The following ACOXL variants were observed in gnomAD, a reference collection of about 807,000 sequenced individuals.
The protein encoded by ACOXL is acyl-coenzyme A oxidase-like protein.
ACOXL carries 70 observed loss-of-function variants against 71.9 expected under a neutral mutation model. The ratio of observed to expected loss-of-function variants is 0.97; its 90% CI spans 0.80 to 1.19. The LOEUF (loss-of-function observed/expected upper bound fraction) is 1.19. Among genes scored for constraint, ACOXL ranks in the 50% most tolerant of loss-of-function variants. The pLI is 0.00. For missense variants in ACOXL, 703 were observed against 736.3 expected, an observed-to-expected ratio of 0.95 and a Z score of 0.52; for synonymous variants, 253 against 281.6, an observed-to-expected ratio of 0.90 and a Z score of 1.02.
chr2:111,025,567 ATCT>A lies in ACOXL; in HGVS notation c.1282-6054_1282-6052del, dbSNP rs2149724048. ...TGTGGTCTTAATCTGCGTTTCTCAG[ATCT>A]TCTTCATGTGTTTATTTGCTATTCA... On this transcript the variant is annotated intron_variant, in intron 14 of 17. Coordinates refer to ENST00000439055, the MANE Select transcript of ACOXL (RefSeq NM_001142807.4). Among the ~76,000 whole-genome samples, 2 of 152,060 alleles carry A rather than the reference ATCT, an allele frequency of 1.3e-5. 1 individual carries two copies. Among genetic ancestry groups the A allele is most frequent in the South Asian group, 4.1e-4 (2 of 4,826 alleles).
chr2:110,787,545 A>G (rs1425556652), intron 3 of ACOXL, among the ~76,000 whole-genome samples: 1 of 151,776 alleles, frequency 6.6e-6, no homozygotes, highest in Non-Finnish European at 1.5e-5. Context: ...AAAAAAAAAA[A>G]AAAAAAAGAA....
chr2:110,966,246 C>T (rs75826129), intron 12 of ACOXL, among the ~76,000 whole-genome samples: 2,423 of 152,192 alleles, frequency 0.016, 59 homozygotes, highest in African/African-American at 0.054. Context: ...CAGCAAGGCC[C>T]GGTGGCGAAT....
At chr2:110,882,047 C>T (rs1696715291) in intron 10 of ACOXL, among the ~76,000 whole-genome samples, 1 of 152,140 alleles carries the variant, frequency 6.6e-6, no homozygotes, top group South Asian at 2.1e-4. Flanking sequence ...TGAGAAACCA[C>T]AACAGTTTTA....
Position 111,042,243 on chromosome 2 carries a change from A to G in ACOXL, c.1370-6975A>G, listed in dbSNP as rs569476072. Among the ~76,000 whole-genome samples the G allele has an allele frequency of 2.6e-5, 4 of 152,352 alleles. No homozygotes were observed. In the South Asian group the frequency reaches 8.3e-4, roughly 32 times the overall value. On this transcript the variant is annotated intron_variant, in intron 15 of 17. Coordinates refer to ENST00000439055, the MANE Select transcript of ACOXL (RefSeq NM_001142807.4). Reference sequence around the variant, plus strand: ...TCTTAGTCTTAGTATAGACTCACTTAGTTTATTTGCTTAGAAGGTTTTCAG... The same window carrying G: ...TCTTAGTCTTAGTATAGACTCACTTGGTTTATTTGCTTAGAAGGTTTTCAG...
intron 1 of ACOXL, among the ~76,000 whole-genome samples, chr2:110,756,388 C>T (rs185844044): frequency 2.8e-4 from 42 of 152,328 alleles, no homozygotes; most frequent in Admixed American, 9.8e-4. Context: ...ATTGGCCTCC[C>T]AAAGTGTTGG....
rs114034425 is a variant in ACOXL, at chr2:111,032,339, G to A, written c.1369+625G>A. Among the ~76,000 whole-genome samples the A allele has an allele frequency of 6.0e-3, 907 of 152,294 alleles. 10 individuals carry two copies. Among genetic ancestry groups the A allele is most frequent in the African/African-American group, 0.021 (858 of 41,566 alleles). Reference sequence around the variant, plus strand: ...TACTGCTAACATGCTACAGGGCACAGACCGCTCCCCTGCAACCAAGAATTA... The same window carrying A: ...TACTGCTAACATGCTACAGGGCACAAACCGCTCCCCTGCAACCAAGAATTA... On this transcript the variant is annotated intron_variant, in intron 15 of 17. Coordinates refer to ENST00000439055, the MANE Select transcript of ACOXL (RefSeq NM_001142807.4).
chr2:111,012,963 A>T (rs917817978), intron 14 of ACOXL, among the ~76,000 whole-genome samples: 10 of 152,226 alleles, frequency 6.6e-5, no homozygotes, highest in Non-Finnish European at 1.3e-4. Flanking sequence ...AATGAAATAG[A>T]AAACAAACTA....
At position 110,938,852 on chromosome 2, in the gene ACOXL, A is replaced by T. The variant is rs558855494; in HGVS notation, c.1059+5210A>T. Among the ~76,000 whole-genome samples the T allele has an allele frequency of 4.4e-3, 667 of 149,946 alleles. 4 individuals carry two copies. Among genetic ancestry groups the T allele is most frequent in the Middle Eastern group, 0.014 (4 of 292 alleles). ...TTACCCTGAACACTTTTTTTTTTTT[A>T]AAAAAACATGATTTTATTGTTACTT... On this transcript the variant is annotated intron_variant, in intron 12 of 17. Transcript: ENST00000439055.
chr2:110,898,445 C>G (rs1409882587), intron 10 of ACOXL, among the ~76,000 whole-genome samples: 1 of 152,046 alleles, frequency 6.6e-6, no homozygotes, highest in Admixed American at 6.6e-5. Flanking sequence ...TATTTAAAAA[C>G]CAGTCAATTT....
intron 1 of ACOXL, among the ~76,000 whole-genome samples, chr2:110,750,529 C>T (rs374743512): frequency 6.6e-6 from 1 of 150,696 alleles, no homozygotes; most frequent in Non-Finnish European, 1.5e-5. Flanking sequence ...AATGGCCCTA[C>T]CATAATTCCA....
intron 17 of ACOXL, among the ~76,000 whole-genome samples, chr2:111,109,907 G>A (rs549543942): frequency 5.3e-5 from 8 of 151,996 alleles, no homozygotes; most frequent in Middle Eastern, 3.4e-3. Context: ...TCGAACTCCC[G>A]GCTTCAAGCA....
At chr2:110,879,054 T>TA (rs201244854) in intron 10 of ACOXL, among the ~76,000 whole-genome samples, 40,249 of 136,710 alleles carry the variant, frequency 0.29, 6,100 homozygotes, top group Non-Finnish European at 0.35. Context: ...GAGGCTCCGT[T>TA]AAAAAAAAAA....
chr2:110,773,074 G>C (rs1433102874), intron 2 of ACOXL, among the ~76,000 whole-genome samples: 2 of 152,222 alleles, frequency 1.3e-5, no homozygotes, highest in Non-Finnish European at 2.9e-5. Flanking sequence ...CATAAAGGTT[G>C]AGAGTCACTG....
chr2:110,878,161 G>A (rs904203245), intron 10 of ACOXL, among the ~76,000 whole-genome samples: 3 of 152,168 alleles, frequency 2.0e-5, no homozygotes, highest in South Asian at 4.1e-4. Context: ...TTTCAGTTTG[G>A]ATTTTCAAGA....
chr2:111,036,576 G>C (rs114455520), intron 15 of ACOXL, among the ~76,000 whole-genome samples: 2 of 152,126 alleles, frequency 1.3e-5, no homozygotes. Context: ...TCAGTCACAC[G>C]GCCAAATCCT....
chr2:110,807,730 A>G (rs1357583592), intron 9 of ACOXL, among the ~76,000 whole-genome samples: 1 of 152,156 alleles, frequency 6.6e-6, no homozygotes, highest in Non-Finnish European at 1.5e-5. Context: ...GGATGATCTC[A>G]CCGGCCCTCT....
chr2:111,009,630 C>T (rs1433382194), intron 14 of ACOXL, among the ~76,000 whole-genome samples: 3 of 152,054 alleles, frequency 2.0e-5, no homozygotes, highest in Admixed American at 6.6e-5. Context: ...CTTCAAAATA[C>T]ATGTATGAAT....
chr2:110,793,739 A>G lies in ACOXL; in HGVS notation c.246+3A>G. ...CTAAGTGGTTTCAGCCACTCCAGGT[A>G]TGGTATTTTCCTCAACATTGGTCTT... On this transcript the variant is annotated splice_donor_region_variant and intron_variant, in intron 4 of 17. Transcript: ENST00000439055. The G allele has an allele frequency of 3.1e-6, 5 of 1,612,612 alleles. No individual in the cohort carries two copies. In the South Asian group the frequency reaches 3.3e-5, roughly 11 times the overall value.
intron 12 of ACOXL, among the ~76,000 whole-genome samples, chr2:110,976,169 G>A (rs1401770405): frequency 3.9e-5 from 6 of 152,172 alleles, no homozygotes; most frequent in Admixed American, 3.9e-4. Flanking sequence ...AAAAACGTGG[G>A]ATTATTTACC....
Sources: allele counts gnomAD v4.1 joint callset (sites outside exome capture counted in the v4.1 genomes callset), GRCh38; gene constraint gnomAD v4.1.1; transcripts MANE v1.5; gene names NCBI Gene and HGNC (gene_info 2026-07-23, HGNC 2026-07-21).